The following RAE1 variants were observed in gnomAD, a reference collection of about 807,000 sequenced individuals.
RAE1 encodes mRNA export factor RAE1.
A neutral mutation model predicts 52.7 loss-of-function variants in RAE1; 13 were observed. The ratio of observed to expected loss-of-function variants is 0.25; its 90% CI spans 0.16 to 0.39. The LOEUF (loss-of-function observed/expected upper bound fraction) is 0.39, where lower values mean the gene tolerates loss of function less well. Ranked by LOEUF, RAE1 falls within the 10% of genes least tolerant of loss-of-function variation. RAE1 has a pLI of 1.00. For synonymous variants in RAE1, 164 were observed against 153.1 expected, an observed-to-expected ratio of 1.07 and a Z score of -0.52; for missense variants, 262 against 459.8, an observed-to-expected ratio of 0.57 and a Z score of 3.93.
At chr20:57,352,323 G>C (rs1489825994) in intron 1 of RAE1, among the ~76,000 whole-genome samples, 1 of 152,218 alleles carries the variant, frequency 6.6e-6, no homozygotes, top group Non-Finnish European at 1.5e-5. Context: ...GATTCAAACG[G>C]AGGTAGCTGT....
At chr20:57,353,379 C>A (rs1170638235) in intron 1 of RAE1, among the ~76,000 whole-genome samples, 1 of 152,186 alleles carries the variant, frequency 6.6e-6, no homozygotes, top group Admixed American at 6.5e-5. Flanking sequence ...TGGCAAGAGG[C>A]CCTGACCAAA....
chr20:57,375,959 C>T (rs1213580687), intron 11 of RAE1, among the ~76,000 whole-genome samples: 1 of 152,158 alleles, frequency 6.6e-6, no homozygotes, highest in African/African-American at 2.4e-5. Flanking sequence ...CTATCTCAGC[C>T]TGGGGGGCCA....
At chr20:57,366,732 G>GGC (rs2066959846) in intron 5 of RAE1, 75 bp from the exon 6 acceptor site, 2 of 1,381,542 alleles carry the variant, frequency 1.4e-6, no homozygotes, top group Admixed American at 3.6e-5. Flanking sequence ...TCTTCCCTTT[G>GGC]AATTGCCACA....
intron 8 of RAE1, chr20:57,373,102 G>T (rs1027315267): frequency 4.1e-6 from 1 of 245,556 alleles, no homozygotes; most frequent in African/African-American, 2.3e-5. Context: ...AGGCAGAAGC[G>T]CAGAAGCTTC....
chr20:57,375,665 A>G (rs6099589), intron 11 of RAE1, among the ~76,000 whole-genome samples: 6,067 of 152,246 alleles, frequency 0.04, 176 homozygotes, highest in African/African-American at 0.089. Context: ...GAGTGGTGTC[A>G]GCACCTACCC....
chr20:57,367,216 G>A (rs1423040644), intron 7 of RAE1, 137 bp downstream of exon 7: 8 of 774,718 alleles, frequency 1.0e-5, no homozygotes, highest in African/African-American at 1.8e-5. Context: ...AAAGGATCGA[G>A]TTGAGATTGC....
At chr20:57,370,258 A>G (rs1486936993) in intron 8 of RAE1, among the ~76,000 whole-genome samples, 3 of 152,158 alleles carry the variant, frequency 2.0e-5, no homozygotes, top group African/African-American at 7.2e-5. Context: ...TACCAGTGGC[A>G]TCCTCATTGG....
chr20:57,359,053 T>C, intron 4 of RAE1: 1 of 1,496,038 alleles, frequency 6.7e-7, no homozygotes, highest in Admixed American at 2.3e-5. Flanking sequence ...TTCAAGTCCC[T>C]ATTTAGAGAA....
intron 1 of RAE1, among the ~76,000 whole-genome samples, chr20:57,353,805 T>C (rs2066745490): frequency 2.6e-5 from 4 of 152,248 alleles, no homozygotes; most frequent in Admixed American, 2.6e-4. Context: ...AAACTAGATA[T>C]GGAGTGTATG....
chr20:57,356,937 C>T (rs560615178), intron 4 of RAE1, among the ~76,000 whole-genome samples: 10 of 152,308 alleles, frequency 6.6e-5, no homozygotes, highest in Admixed American at 5.2e-4. Flanking sequence ...CTCGGCCTGG[C>T]GAGGGGAGCC....
At position 57,373,154 on chromosome 20, in the gene RAE1, C is replaced by G. The variant is rs550229450; in HGVS notation, c.643-321C>G. On this transcript the variant is annotated intron_variant, in intron 8 of 11. Transcript: ENST00000395841. ...GGTGTCTGCCTAGCCAGGGACGTCTCCATTCCCCACAGGCAGGGCCGCTGT... is the reference window on the plus strand; with the variant it reads ...GGTGTCTGCCTAGCCAGGGACGTCTGCATTCCCCACAGGCAGGGCCGCTGT... 5 of 343,564 alleles carry G rather than the reference C, an allele frequency of 1.5e-5. No homozygotes were observed. In the South Asian group the frequency reaches 1.5e-4, roughly 10 times the overall value. The allele number at this position is 343,564 out of a possible 1,614,324, so 21.3% of individuals were successfully genotyped here.
At chr20:57,371,464 T>C (rs2067034779) in intron 8 of RAE1, 1 of 152,224 alleles carries the variant, frequency 6.6e-6, no homozygotes, top group South Asian at 2.1e-4. Flanking sequence ...GGAAATGTGC[T>C]TAACATCCTA....
chr20:57,373,860 T>C, intron 10 of RAE1, 122 bp downstream of exon 10: 1 of 1,038,694 alleles, frequency 9.6e-7, no homozygotes, highest in Non-Finnish European at 1.5e-6. Context: ...TGTCCGGAGA[T>C]AAGTGGCTTA....
intron 4 of RAE1, among the ~76,000 whole-genome samples, chr20:57,363,867 A>G (rs1463379349): frequency 6.6e-6 from 1 of 152,164 alleles, no homozygotes; most frequent in Non-Finnish European, 1.5e-5. Context: ...AACAAATACA[A>G]CTTCTCGATA....
In RAE1 at chr20:57,351,287, A is replaced by G. The variant is rs1043268763; in HGVS notation, c.-143A>G. The G allele has an allele frequency of 2.0e-6, 2 of 985,420 alleles. No individual in the cohort carries two copies. The highest frequency in any genetic ancestry group is 1.2e-6 in the Non-Finnish European group (1 of 829,908). The allele number at this position is 985,420 out of a possible 1,614,324, so 61.0% of individuals were successfully genotyped here. A position where few individuals can be genotyped will look rare whatever the true frequency, so the allele number is the denominator to read the frequency against. On this transcript the variant is annotated 5_prime_UTR_variant, in exon 1 of 12. Coordinates refer to ENST00000395841, the MANE Select transcript of RAE1 (RefSeq NM_003610.4). Reference sequence around the variant, plus strand: ...CGGTAGTCAGGGCAGTTTCTACCGCAGGCTTAAGGAGGCTTCGGGCTCCTG... The same window carrying G: ...CGGTAGTCAGGGCAGTTTCTACCGCGGGCTTAAGGAGGCTTCGGGCTCCTG...
At chr20:57,372,518 C>G (rs2067051047) in intron 8 of RAE1, 1 of 152,256 alleles carries the variant, frequency 6.6e-6, no homozygotes. Context: ...CAGCCATGGC[C>G]TTTTCTGTCA....
intron 8 of RAE1, 58 bp downstream of exon 8, chr20:57,368,870 T>A (rs1419340034): frequency 7.4e-7 from 1 of 1,355,878 alleles, no homozygotes; most frequent in African/African-American, 1.4e-5. Flanking sequence ...TGCAAGATTG[T>A]GCTCACATCT....
intron 5 of RAE1, 41 bp downstream of exon 5, chr20:57,365,483 C>A: frequency 7.2e-7 from 1 of 1,393,226 alleles, no homozygotes; most frequent in Non-Finnish European, 9.9e-7. Context: ...ACAACTGGTA[C>A]CCAGGACTGT....
chr20:57,367,310 C>T (rs549982911), intron 7 of RAE1, among the ~76,000 whole-genome samples: 32 of 152,114 alleles, frequency 2.1e-4, no homozygotes, highest in Middle Eastern at 3.4e-3. Context: ...TCCTGCCACT[C>T]GTTTGAACAT....
Sources: gnomAD v4.1 joint callset for allele counts (sites outside exome capture counted in the v4.1 genomes callset) on GRCh38, gnomAD v4.1.1 for gene constraint, MANE v1.5 for transcripts, NCBI Gene and HGNC (gene_info 2026-07-23, HGNC 2026-07-21) for gene names.